POLR3B: variants seen among roughly 807,000 people sequenced by gnomAD.
The protein encoded by POLR3B is RNA polymerase III subunit B, also known as DNA-directed RNA polymerase III subunit RPC2.
Under a neutral mutation model 147.4 loss-of-function variants are expected in POLR3B, and 96 were observed. The observed-to-expected ratio is 0.65, with a 90% CI of 0.55 to 0.77. POLR3B has a LOEUF of 0.77. Ranked by LOEUF, POLR3B falls within the 30% of genes least tolerant of loss-of-function variation. The probability of loss-of-function intolerance (pLI) is 0.00; values close to 1 mark genes in which losing one functional copy is unlikely to be tolerated. For missense variants in POLR3B, 1,036 were observed against 1,413.5 expected (o/e 0.73, Z 4.28); for synonymous variants, 461 against 485.9 (o/e 0.95, Z 0.67).
chr12:106,398,802 G>A (rs1593018596), intron 10 of POLR3B, among the ~76,000 whole-genome samples: 3 of 152,228 alleles, frequency 2.0e-5, no homozygotes, highest in African/African-American at 4.8e-5. Context: ...CTAACAAACA[G>A]GAAGGACATC....
rs111899536 is a variant in POLR3B, at chr12:106,371,668, T to A, written c.404+1985T>A. On this transcript the variant is annotated intron_variant, in intron 6 of 27. Transcript: ENST00000228347. ...CATGGATGAAAATGGAAATCATCAT[T>A]CTCAGTAAACTATCGCAAGAACAAA... 4.0e-3 allele frequency among the ~76,000 whole-genome samples: 560 copies of A among 140,198 alleles called. 9 individuals carry two copies. Among genetic ancestry groups the A allele is most frequent in the African/African-American group, 0.013 (527 of 41,050 alleles). 92.0% of individuals were successfully genotyped at this position (140,198 alleles called of 152,430 possible). A position where few individuals can be genotyped will look rare whatever the true frequency, so the allele number is the denominator to read the frequency against.
intron 10 of POLR3B, among the ~76,000 whole-genome samples, chr12:106,398,341 G>A (rs1460683222): frequency 1.3e-5 from 2 of 152,186 alleles, no homozygotes; most frequent in Non-Finnish European, 2.9e-5. Context: ...TGGGAAGCTC[G>A]AACTGGGTGG....
At chr12:106,406,775 C>A (rs1197793312) in intron 11 of POLR3B, among the ~76,000 whole-genome samples, 1 of 152,170 alleles carries the variant, frequency 6.6e-6, no homozygotes, top group Non-Finnish European at 1.5e-5. Context: ...TGGCAAGAGG[C>A]AGCCCTCAAT....
At chr12:106,439,539 G>T (rs1443345729) in intron 18 of POLR3B, among the ~76,000 whole-genome samples, 1 of 152,002 alleles carries the variant, frequency 6.6e-6, no homozygotes, top group Non-Finnish European at 1.5e-5. Flanking sequence ...CAGTAACTCA[G>T]GGGGCTGAGG....
At position 106,437,733 on chromosome 12, in the gene POLR3B, G is replaced by T. The variant is rs1208003546; in HGVS notation, c.1909G>T (p.Glu637Ter). The T allele has an allele frequency of 6.2e-7, 1 of 1,604,210 alleles. No individual in the cohort carries two copies. Among genetic ancestry groups the T allele is most frequent in the Non-Finnish European group, 8.5e-7 (1 of 1,171,304 alleles). The change falls in exon 18 of 28, where the codon GAA becomes TAA. Residue 637 changes from glutamate to a stop codon, truncating the protein, a stop_gained. Coordinates refer to ENST00000228347, the MANE Select transcript of POLR3B (RefSeq NM_018082.6). LOFTEE classifies it high-confidence loss of function. ...ESLVEYLDVN[E>*]ENDCNIALYE... ...TCTGGTTGAATATTTAGATGTGAAT[G>T]AAGAAAATGATTGTAACATTGCACT...
At chr12:106,404,418 G>T (rs2037122501) in intron 10 of POLR3B, among the ~76,000 whole-genome samples, 1 of 152,116 alleles carries the variant, frequency 6.6e-6, no homozygotes, top group South Asian at 2.1e-4. Context: ...GTTGCTTCAT[G>T]TCCTCATAAT....
chr12:106,428,433 T>G (rs567157386), intron 13 of POLR3B, among the ~76,000 whole-genome samples: 1 of 152,350 alleles, frequency 6.6e-6, no homozygotes, highest in Admixed American at 6.5e-5. Flanking sequence ...TTTAAAATTC[T>G]TAATGTTGCT....
chr12:106,436,969 C>G, intron 16 of POLR3B, 88 bp from the exon 17 acceptor site: 1 of 960,290 alleles, frequency 1.0e-6, no homozygotes, highest in Non-Finnish European at 1.7e-6. Context: ...GTATTTACAT[C>G]TTCCCTCATC....
chr12:106,404,597 T>A (rs2037124594), intron 10 of POLR3B, among the ~76,000 whole-genome samples: 1 of 152,226 alleles, frequency 6.6e-6, no homozygotes, highest in African/African-American at 2.4e-5. Flanking sequence ...TTCATTTTTC[T>A]TAGTGAATTG....
rs762768717 is a variant in POLR3B at position 106,504,299 on chromosome 12, T to G, written c.3272+45T>G. ...CTCCCATACCACACCCCTTGCCTCT[T>G]AAATCACAGCTCAAGAATTGACCCT... On this transcript the variant is annotated intron_variant, in intron 27 of 27. Transcript: ENST00000228347. This position sits in a 1 kb window ranked among gnomAD's most constrained non-coding sequence, Gnocchi z 4.6. 6.7e-7 allele frequency: 1 copy of G among 1,491,294 alleles called. No homozygotes were observed. The highest frequency in any genetic ancestry group is 9.4e-7 in the Non-Finnish European group (1 of 1,067,826). 92.4% of individuals were successfully genotyped at this position (1,491,294 alleles called of 1,614,324 possible). A position where few individuals can be genotyped will look rare whatever the true frequency, so the allele number is the denominator to read the frequency against.
At chr12:106,465,797 CT>C (rs1327784767) in intron 23 of POLR3B, among the ~76,000 whole-genome samples, 2 of 152,118 alleles carry the variant, frequency 1.3e-5, no homozygotes, top group East Asian at 3.9e-4. Context: ...TGAACTCATC[CT>C]TTTTTATGGC....
intron 14 of POLR3B, among the ~76,000 whole-genome samples, chr12:106,431,826 C>T (rs753947420): frequency 2.0e-5 from 3 of 152,278 alleles, no homozygotes; most frequent in Middle Eastern, 6.8e-3. Flanking sequence ...AAGAGTTTTT[C>T]AGTCTGTCTT....
At chr12:106,365,909 A>G (rs548645076) in intron 2 of POLR3B, among the ~76,000 whole-genome samples, 4 of 151,854 alleles carry the variant, frequency 2.6e-5, no homozygotes, top group African/African-American at 9.7e-5. Context: ...ACAAATACAC[A>G]CATTAGCCCG....
intron 8 of POLR3B, among the ~76,000 whole-genome samples, 190 bp from the exon 9 acceptor site, chr12:106,379,841 T>C (rs2036734979): frequency 6.6e-6 from 1 of 152,178 alleles, no homozygotes; most frequent in Non-Finnish European, 1.5e-5. Context: ...ATTTATAGTG[T>C]TTTTAAATGT....
intron 12 of POLR3B, among the ~76,000 whole-genome samples, chr12:106,422,396 T>C (rs2037384507): frequency 6.6e-6 from 1 of 152,234 alleles, no homozygotes; most frequent in African/African-American, 2.4e-5. Flanking sequence ...AGCATCATGC[T>C]TCCTATACAG....
chr12:106,389,613 T>A (rs941555407), intron 9 of POLR3B, among the ~76,000 whole-genome samples: 18 of 151,944 alleles, frequency 1.2e-4, no homozygotes, highest in Middle Eastern at 3.4e-3. Flanking sequence ...TTTTTTTTTT[T>A]AATTTTGGAA....
At chr12:106,433,669 G>T (rs751893102) in intron 15 of POLR3B, 50 bp from the exon 16 acceptor site, 16 of 1,484,820 alleles carry the variant, frequency 1.1e-5, no homozygotes, top group South Asian at 2.3e-5. Context: ...ATTAAATCAG[G>T]TTGCATTTAT....
intron 18 of POLR3B, among the ~76,000 whole-genome samples, chr12:106,443,929 A>G (rs1398413656): frequency 7.9e-5 from 12 of 152,158 alleles, no homozygotes; most frequent in Non-Finnish European, 1.8e-4. Flanking sequence ...GGTTCAAGCA[A>G]TTCTCCTGCC....
chr12:106,417,726 C>T (rs1409118157), intron 12 of POLR3B, among the ~76,000 whole-genome samples: 2 of 152,030 alleles, frequency 1.3e-5, no homozygotes, highest in East Asian at 3.9e-4. Context: ...GGTTTTTGGC[C>T]ACCTTCAGAT....
Sources: allele counts gnomAD v4.1 joint callset (sites outside exome capture counted in the v4.1 genomes callset), GRCh38; gene constraint gnomAD v4.1.1; non-coding constraint Gnocchi (gnomAD v3.1); transcripts MANE v1.5; gene names NCBI Gene and HGNC (gene_info 2026-07-23, HGNC 2026-07-21).